PSAP: variants seen among roughly 807,000 people sequenced by gnomAD.
The protein encoded by PSAP is precursor of saposins.
Under a neutral mutation model 66.0 loss-of-function variants are expected in PSAP, and 25 were observed. The ratio of observed to expected loss-of-function variants is 0.38; its 90% confidence interval spans 0.28 to 0.53. PSAP has a LOEUF of 0.53. PSAP is among the 20% of genes least tolerant of loss of function. The pLI is 0.83. For synonymous variants in PSAP, 273 were observed against 258.9 expected (o/e 1.05, Z -0.52); for missense variants, 649 against 668.8 (o/e 0.97, Z 0.33).
At chr10:71,828,832 A>G (rs1842450415) in intron 5 of PSAP, 45 bp downstream of exon 5, 1 of 1,607,162 alleles carries the variant, frequency 6.2e-7, no homozygotes, top group Admixed American at 1.7e-5. Context: ...TCTCATCTCC[A>G]GTGCAACCAA....
chr10:71,848,609 T>C (rs1842867531), intron 1 of PSAP, among the ~76,000 whole-genome samples: 1 of 152,158 alleles, frequency 6.6e-6, no homozygotes, highest in African/African-American at 2.4e-5. Context: ...AGGACATCAC[T>C]GAAACACAAA....
chr10:71,821,854 G>A, intron 8 of PSAP, 22 bp downstream of exon 8: 1 of 1,614,114 alleles, frequency 6.2e-7, no homozygotes. Context: ...CCCTGACCAG[G>A]ACACAAAGTG....
At chr10:71,826,041 G>A in intron 6 of PSAP, 148 bp from the exon 7 acceptor site, 2 of 708,094 alleles carry the variant, frequency 2.8e-6, no homozygotes, top group Non-Finnish European at 2.5e-6. Context: ...GTCTGCTCTG[G>A]GCCAGCTTTA....
At chr10:71,817,561 A>C (rs963672633) in intron 13 of PSAP, 85 bp from the exon 14 acceptor site, 5 of 1,306,598 alleles carry the variant, frequency 3.8e-6, no homozygotes, top group Admixed American at 3.4e-5. Flanking sequence ...TCACCCCAAA[A>C]CAGGACCTGT....
At chr10:71,834,313 T>C (rs1842578708) in intron 2 of PSAP, 59 bp downstream of exon 2, 2 of 1,609,512 alleles carry the variant, frequency 1.2e-6, no homozygotes, top group Non-Finnish European at 1.7e-6. Flanking sequence ...GAGTTACAGC[T>C]GTTCTAAGGG....
At chr10:71,843,968 A>T (rs1421617797) in intron 1 of PSAP, among the ~76,000 whole-genome samples, 2 of 152,234 alleles carry the variant, frequency 1.3e-5, no homozygotes, top group Non-Finnish European at 1.5e-5. Flanking sequence ...CTTTTCTGTA[A>T]ATCTAACATT....
chr10:71,843,647 G>C (rs1842769743), intron 1 of PSAP, among the ~76,000 whole-genome samples: 1 of 152,168 alleles, frequency 6.6e-6, no homozygotes, highest in South Asian at 2.1e-4. Context: ...CAGTTTATTA[G>C]ACGTCGATGT....
rs531412596 is a variant in PSAP at position 71,832,592 on chromosome 10, C to T, written c.175-672G>A. Among the ~76,000 whole-genome samples the T allele has an allele frequency of 3.3e-5, 5 of 152,278 alleles. No individual in the cohort carries two copies. The South Asian group carries it at 8.3e-4, about 25-fold the overall frequency. On this transcript the variant is annotated intron_variant, in intron 2 of 13. Transcript: ENST00000394936. ...TTAGAGAAACCAACTTGAACCTAGT[C>T]AGGCTAATACAGTCATCCTTTGGTA...
chr10:71,819,290 G>A lies in PSAP; in HGVS notation c.1350+175C>T, dbSNP rs1251929384. 2.3e-5 allele frequency: 25 copies of A among 1,089,458 alleles called. 1 individual carries two copies. Among genetic ancestry groups the A allele is most frequent in the Middle Eastern group, 2.4e-4 (1 of 4,164 alleles). The allele number at this position is 1,089,458 out of a possible 1,614,324, so 67.5% of individuals were successfully genotyped here. A position where few individuals can be genotyped will look rare whatever the true frequency, so the allele number is the denominator to read the frequency against. On this transcript the variant is annotated intron_variant, in intron 11 of 13. Transcript: ENST00000394936. Reference sequence around the variant, plus strand: ...ATCTACATTTGGCCTCTCTACTTCAGGTTGCTTCCCCCAGTGGCTCATCTT... The same window carrying A: ...ATCTACATTTGGCCTCTCTACTTCAAGTTGCTTCCCCCAGTGGCTCATCTT...
rs537794407 is a variant in PSAP, at chr10:71,829,998, A to G, written c.376-921T>C. Reference sequence around the variant, plus strand: ...GGCGACAGAGTGAGACTCAGTCTCAAAAAAATAAATAAATAAATAAATAAA... The same window carrying G: ...GGCGACAGAGTGAGACTCAGTCTCAGAAAAATAAATAAATAAATAAATAAA... On this transcript the variant is annotated intron_variant, in intron 4 of 13. Coordinates refer to ENST00000394936, the MANE Select transcript of PSAP (RefSeq NM_002778.4). 3.0e-4 allele frequency among the ~76,000 whole-genome samples: 45 copies of G among 152,252 alleles called. No homozygotes were observed. In the South Asian group the frequency reaches 7.9e-3, roughly 27 times the overall value.
At chr10:71,831,289 T>C in intron 3 of PSAP, 38 bp from the exon 4 acceptor site, 1 of 1,610,608 alleles carries the variant, frequency 6.2e-7, no homozygotes, top group Non-Finnish European at 8.5e-7. Flanking sequence ...ACGATAGGCT[T>C]TCCTCCCTGG....
chr10:71,831,899 A>AT lies in PSAP; in HGVS notation c.195dup (p.Cys66MetfsTer10). ...CCAGCTGCGGTGACAACGTCTTTGCATATGTCGCAGGGAAGGGATTTCTAA... is the reference window on the plus strand; with the variant it reads ...CCAGCTGCGGTGACAACGTCTTTGCATTATGTCGCAGGGAAGGGATTTCTAA... On this transcript the variant is annotated frameshift_variant, in exon 3 of 14. Coordinates refer to ENST00000394936, the MANE Select transcript of PSAP (RefSeq NM_002778.4). LOFTEE classifies it high-confidence loss of function. 1 of 1,614,088 alleles carries AT rather than the reference A, an allele frequency of 6.2e-7. No homozygotes were observed. Among genetic ancestry groups the AT allele is most frequent in the Non-Finnish European group, 8.5e-7 (1 of 1,180,020 alleles).
intron 1 of PSAP, among the ~76,000 whole-genome samples, chr10:71,843,417 A>G (rs1265303381): frequency 6.6e-6 from 1 of 151,584 alleles, no homozygotes; most frequent in Non-Finnish European, 1.5e-5. Flanking sequence ...TCAATGCCTG[A>G]AAAAGAGACT....
At chr10:71,830,126 G>A (rs1438062529) in intron 4 of PSAP, among the ~76,000 whole-genome samples, 1 of 152,118 alleles carries the variant, frequency 6.6e-6, no homozygotes, top group East Asian at 1.9e-4. Flanking sequence ...ATATGCTGAT[G>A]GCTCCCAAGT....
chr10:71,831,983 G>A, intron 2 of PSAP, 63 bp from the exon 3 acceptor site: 4 of 1,478,012 alleles, frequency 2.7e-6, no homozygotes. Flanking sequence ...CACACAGCTG[G>A]AACTCCCCAT....
At chr10:71,831,797 A>G (rs778803432) in intron 3 of PSAP, 49 bp downstream of exon 3, 1 of 1,549,144 alleles carries the variant, frequency 6.5e-7, no homozygotes, top group South Asian at 1.1e-5. Context: ...CTTAGGAACC[A>G]GTGCACGTGC....
intron 2 of PSAP, among the ~76,000 whole-genome samples, chr10:71,832,634 T>A (rs903067050): frequency 2.0e-5 from 3 of 152,092 alleles, no homozygotes; most frequent in African/African-American, 7.2e-5. Context: ...GGGGTATCAA[T>A]TCCAGGACCC....
intron 1 of PSAP, among the ~76,000 whole-genome samples, chr10:71,844,534 C>T (rs1388791163): frequency 2.0e-5 from 3 of 152,014 alleles, no homozygotes; most frequent in South Asian, 2.1e-4. Flanking sequence ...GGCATGGTGG[C>T]GTGCACCCAT....
intron 13 of PSAP, among the ~76,000 whole-genome samples, chr10:71,817,768 G>A (rs898252146): frequency 3.3e-5 from 5 of 152,298 alleles, no homozygotes; most frequent in South Asian, 2.1e-4. Context: ...ACCTGCACCC[G>A]GCACCCAGCG....
Sources: gnomAD v4.1 joint callset for allele counts (sites outside exome capture counted in the v4.1 genomes callset) on GRCh38, gnomAD v4.1.1 for gene constraint, MANE v1.5 for transcripts, NCBI Gene and HGNC (gene_info 2026-07-23, HGNC 2026-07-21) for gene names.